Variants in ADAMTSL3 observed in about 807,000 individuals in gnomAD.
The protein encoded by ADAMTSL3 is ADAMTS-like protein 3.
In ADAMTSL3, 128 loss-of-function variants were observed where a neutral mutation model predicts 201.7. That is an observed-to-expected ratio of 0.63 (90% CI 0.55 to 0.73). The LOEUF (loss-of-function observed/expected upper bound fraction) is 0.73. Ranked by LOEUF, ADAMTSL3 falls within the 30% of genes least tolerant of loss-of-function variation. ADAMTSL3 has a pLI of 0.00. For missense variants in ADAMTSL3, 1,990 were observed against 2,119.6 expected (o/e 0.94, Z 1.20); for synonymous variants, 738 against 748.4 (o/e 0.99, Z 0.23).
chr15:83,879,044 G>A (rs952324631), intron 9 of ADAMTSL3, among the ~76,000 whole-genome samples: 10 of 151,928 alleles, frequency 6.6e-5, no homozygotes. Context: ...AAAAGCTATT[G>A]GCATACTTTT....
intron 19 of ADAMTSL3, among the ~76,000 whole-genome samples, chr15:83,957,732 A>T (rs1271540155): frequency 6.6e-6 from 1 of 152,214 alleles, no homozygotes; most frequent in Non-Finnish European, 1.5e-5. Context: ...CTTATTTTAG[A>T]CATACATGTA....
chr15:83,744,035 A>G (rs2062502298), intron 3 of ADAMTSL3, among the ~76,000 whole-genome samples: 1 of 152,006 alleles, frequency 6.6e-6, no homozygotes, highest in Non-Finnish European at 1.5e-5. Flanking sequence ...TATTTTTAGT[A>G]GAGACGGGGT....
At chr15:83,688,775 CACACACAT>C (rs1408420911) in intron 2 of ADAMTSL3, among the ~76,000 whole-genome samples, 8 of 151,720 alleles carry the variant, frequency 5.3e-5, no homozygotes, top group South Asian at 4.2e-4. Flanking sequence ...CACACACACA[CACACACAT>C]ACACACACAC....
intron 21 of ADAMTSL3, among the ~76,000 whole-genome samples, chr15:83,985,984 A>G (rs1305024795): frequency 6.6e-6 from 1 of 152,030 alleles, no homozygotes; most frequent in Non-Finnish European, 1.5e-5. Flanking sequence ...CAAGTAAAAC[A>G]TAGTAGTCAA....
intron 15 of ADAMTSL3, among the ~76,000 whole-genome samples, chr15:83,910,932 G>T (rs936058613): frequency 6.6e-6 from 1 of 151,888 alleles, no homozygotes; most frequent in Non-Finnish European, 1.5e-5. Context: ...GAGCCACCAC[G>T]CCTGGCCAAG....
intron 3 of ADAMTSL3, among the ~76,000 whole-genome samples, chr15:83,745,457 G>GT (rs1478241425): frequency 2.0e-5 from 3 of 152,186 alleles, no homozygotes; most frequent in Non-Finnish European, 2.9e-5. Flanking sequence ...AGCACTGACT[G>GT]TAACAGTCCT....
intron 19 of ADAMTSL3, among the ~76,000 whole-genome samples, chr15:83,948,411 TAC>T (rs72124987): frequency 0.31 from 45,383 of 145,470 alleles, 7,148 homozygotes; most frequent in Admixed American, 0.43. Flanking sequence ...AAAGCTTATT[TAC>T]ACACACACAC....
chr15:83,826,792 A>G (rs2064034238), intron 6 of ADAMTSL3, among the ~76,000 whole-genome samples: 1 of 151,772 alleles, frequency 6.6e-6, no homozygotes, highest in Non-Finnish European at 1.5e-5. Context: ...TAGTTTGCTG[A>G]GAATGATGGT....
At chr15:83,865,982 T>A (rs1471293733) in intron 8 of ADAMTSL3, among the ~76,000 whole-genome samples, 1 of 152,132 alleles carries the variant, frequency 6.6e-6, no homozygotes, top group Non-Finnish European at 1.5e-5. Flanking sequence ...AAGAAGACAT[T>A]TATGCAGCCA....
intron 4 of ADAMTSL3, among the ~76,000 whole-genome samples, chr15:83,798,667 G>A (rs1192234490): frequency 2.6e-5 from 4 of 151,924 alleles, no homozygotes; most frequent in Admixed American, 1.3e-4. Flanking sequence ...TTAGCCAGGC[G>A]TGGTCAGTGC....
At chr15:83,820,167 G>A in intron 6 of ADAMTSL3, 120 bp downstream of exon 6, 1 of 823,344 alleles carries the variant, frequency 1.2e-6, no homozygotes, top group Non-Finnish European at 2.0e-6. Flanking sequence ...TATTGGCCAG[G>A]TACGGTGGCT....
chr15:83,950,685 A>T (rs545643347), intron 19 of ADAMTSL3, among the ~76,000 whole-genome samples: 1 of 151,598 alleles, frequency 6.6e-6, no homozygotes, highest in Non-Finnish European at 1.5e-5. Context: ...TCTTTCATCA[A>T]TGTTTTATAG....
intron 23 of ADAMTSL3, among the ~76,000 whole-genome samples, chr15:84,010,425 C>T (rs766289089): frequency 7.9e-5 from 12 of 152,150 alleles, no homozygotes; most frequent in Non-Finnish European, 1.6e-4. Context: ...CCAAAAAAGT[C>T]ACGCTGATGT....
At chr15:83,895,770 A>G (rs1567220825) in intron 13 of ADAMTSL3, among the ~76,000 whole-genome samples, 1 of 96,850 alleles carries the variant, frequency 1.0e-5, no homozygotes, top group Non-Finnish European at 2.0e-5. Flanking sequence ...CAGCCACTCA[A>G]TATTATATAT....
chr15:83,688,448 T>C (rs1188610399), intron 2 of ADAMTSL3, among the ~76,000 whole-genome samples: 15 of 151,992 alleles, frequency 9.9e-5, no homozygotes, highest in Admixed American at 9.8e-4. Flanking sequence ...CTGTTACAAA[T>C]ATGTTCAAAA....
At chr15:83,791,560 A>T (rs1344387349) in intron 4 of ADAMTSL3, among the ~76,000 whole-genome samples, 1 of 152,196 alleles carries the variant, frequency 6.6e-6, no homozygotes, top group East Asian at 1.9e-4. Flanking sequence ...TTCATACCAT[A>T]TAGAAAAATC....
intron 10 of ADAMTSL3, among the ~76,000 whole-genome samples, chr15:83,888,579 T>C (rs562982585): frequency 1.1e-4 from 17 of 152,312 alleles, no homozygotes; most frequent in African/African-American, 4.1e-4. Context: ...TCAAGAAAAT[T>C]AGTTCATCGG....
chr15:83,698,331 C>G lies in ADAMTSL3; in HGVS notation c.70-6058C>G, dbSNP rs1026510349. 2.0e-5 allele frequency among the ~76,000 whole-genome samples: 3 copies of G among 152,100 alleles called. No individual in the cohort carries two copies. The East Asian group carries it at 5.8e-4, about 29-fold the overall frequency. ...CATATACACTTCCTCCTGCTCAAGTCAAATCCTTCAGCTGGATGGGGATGT... is the reference window on the plus strand; with the variant it reads ...CATATACACTTCCTCCTGCTCAAGTGAAATCCTTCAGCTGGATGGGGATGT... On this transcript the variant is annotated intron_variant, in intron 2 of 29. Transcript: ENST00000286744.
intron 3 of ADAMTSL3, among the ~76,000 whole-genome samples, chr15:83,767,873 A>T (rs1204948204): frequency 6.6e-6 from 1 of 152,250 alleles, no homozygotes; most frequent in African/African-American, 2.4e-5. Context: ...CTAGTTTAAA[A>T]AGCAGAAATA....
Sources: gnomAD v4.1 joint callset for allele counts (sites outside exome capture counted in the v4.1 genomes callset) on GRCh38, gnomAD v4.1.1 for gene constraint, MANE v1.5 for transcripts, NCBI Gene and HGNC (gene_info 2026-07-23, HGNC 2026-07-21) for gene names.